Variants in MTCH2 observed in about 807,000 individuals in gnomAD.
MTCH2 encodes the protein mitochondrial carrier 2.
Under a neutral mutation model 50.6 loss-of-function variants are expected in MTCH2, and 25 were observed. The observed-to-expected ratio is 0.49, with a 90% CI of 0.36 to 0.69. The LOEUF (loss-of-function observed/expected upper bound fraction) is 0.69, where lower values mean the gene tolerates loss of function less well. Ranked by LOEUF, MTCH2 falls within the 30% of genes least tolerant of loss-of-function variation. The pLI is 0.00. For synonymous variants in MTCH2, 106 were observed against 132.0 expected (o/e 0.80, Z 1.35); for missense variants, 273 against 384.4 (o/e 0.71, Z 2.42).
chr11:47,616,207 G>A (rs1598827946), downstream of MTCH2, among the ~76,000 whole-genome samples: 1 of 152,230 alleles, frequency 6.6e-6, no homozygotes, highest in South Asian at 2.1e-4. Flanking sequence ...CTGGACTCAA[G>A]TGATCCACTG....
At chr11:47,636,681 G>A (rs866613959) in intron 3 of MTCH2, among the ~76,000 whole-genome samples, 6 of 151,798 alleles carry the variant, frequency 4.0e-5, no homozygotes, top group Middle Eastern at 6.8e-3. Context: ...GCAGTGAGCC[G>A]AGACCATGCC....
At chr11:47,625,037 G>A (rs765067034) in intron 11 of MTCH2, among the ~76,000 whole-genome samples, 6 of 152,044 alleles carry the variant, frequency 3.9e-5, no homozygotes, top group Non-Finnish European at 8.8e-5. Flanking sequence ...GCAATGGAGC[G>A]AGACTGCACC....
chr11:47,610,956 G>A, the MTCH2 span, among the ~76,000 whole-genome samples: 1 of 152,166 alleles, frequency 6.6e-6, no homozygotes. Context: ...GCTTGGTTCC[G>A]GCTTCTCATG....
chr11:47,635,211 TGA>T (rs1394562130), intron 4 of MTCH2, among the ~76,000 whole-genome samples: 11 of 152,118 alleles, frequency 7.2e-5, no homozygotes, highest in Non-Finnish European at 1.5e-4. Context: ...CCCATGTAGC[TGA>T]GATACAGAGG....
intron 5 of MTCH2, among the ~76,000 whole-genome samples, chr11:47,631,962 C>T (rs1423107326): frequency 1.3e-5 from 2 of 152,084 alleles, no homozygotes; most frequent in East Asian, 1.9e-4. Context: ...GCAAAGCAGG[C>T]TTCTGTTGTT....
At chr11:47,629,091 G>GT (rs2097300680) in intron 8 of MTCH2, 45 bp from the exon 9 acceptor site, 20 of 1,459,730 alleles carry the variant, frequency 1.4e-5, no homozygotes, top group Non-Finnish European at 1.8e-5. Context: ...AATGTGATCA[G>GT]TAACATGACA....
chr11:47,612,223 G>C, the MTCH2 span, among the ~76,000 whole-genome samples: 1 of 152,066 alleles, frequency 6.6e-6, no homozygotes. Context: ...AGACCAGCCT[G>C]GGCAACAATA....
chr11:47,640,332 AAACAAC>A (rs548280518), intron 1 of MTCH2, among the ~76,000 whole-genome samples: 292 of 152,310 alleles, frequency 1.9e-3, no homozygotes, highest in Middle Eastern at 0.014. Context: ...TCCATCTCAA[AAACAAC>A]AACAAATAAA....
At chr11:47,628,066 G>A (rs17788853) in intron 9 of MTCH2, among the ~76,000 whole-genome samples, 2,565 of 152,198 alleles carry the variant, frequency 0.017, 38 homozygotes, top group Non-Finnish European at 0.025. Flanking sequence ...TACCAGATGC[G>A]TTGAAGAAAA....
chr11:47,626,652 G>A (rs1326541254), intron 10 of MTCH2, among the ~76,000 whole-genome samples: 3 of 151,404 alleles, frequency 2.0e-5, no homozygotes, highest in East Asian at 2.0e-4. Flanking sequence ...TCACTCTGTC[G>A]CCCAGGCCGA....
chr11:47,622,800 C>T, intron 11 of MTCH2, 24 bp from the exon 12 acceptor site: 2 of 1,079,562 alleles, frequency 1.9e-6, no homozygotes, highest in Non-Finnish European at 2.3e-6. Context: ...AAACATGGAG[C>T]TATTCATGTT....
rs772310094 is a variant in MTCH2, at chr11:47,631,605, G to A, written c.427+49C>T. The A allele has an allele frequency of 1.6e-5, 25 of 1,584,312 alleles. No homozygotes were observed. In the Admixed American group the frequency reaches 3.7e-4, roughly 23 times the overall value. On this transcript the variant is annotated intron_variant, in intron 6 of 12. Coordinates refer to ENST00000302503, the MANE Select transcript of MTCH2 (RefSeq NM_014342.4). ...CCACGTCAACCTATCTAAGTGGTCA[G>A]GAGAGATCAGGTTATAAAAGAAAGG...
chr11:47,613,929 C>CA (rs1456083996), downstream of MTCH2, among the ~76,000 whole-genome samples: 5 of 151,888 alleles, frequency 3.3e-5, no homozygotes, highest in African/African-American at 4.8e-5. Context: ...ACTAAAAATA[C>CA]AAAAAAATGA....
chr11:47,616,351 C>G (rs962660670), downstream of MTCH2, among the ~76,000 whole-genome samples: 13 of 151,976 alleles, frequency 8.6e-5, no homozygotes, highest in Admixed American at 2.0e-4. Context: ...CTAGAGAACC[C>G]CTACTTTTCT....
At chr11:47,630,956 C>T in intron 7 of MTCH2, 80 bp downstream of exon 7, 4 of 1,138,948 alleles carry the variant, frequency 3.5e-6, no homozygotes, top group Non-Finnish European at 5.2e-6. Context: ...GTAAGGGTAT[C>T]ATAAAAATAC....
chr11:47,620,354 A>C (rs548623459), intron 12 of MTCH2, among the ~76,000 whole-genome samples: 1 of 152,262 alleles, frequency 6.6e-6, no homozygotes, highest in South Asian at 2.1e-4. Context: ...CTGTAGTCCA[A>C]GCTACCTGGG....
At chr11:47,627,219 CT>C in intron 9 of MTCH2, 92 bp from the exon 10 acceptor site, 1 of 1,026,788 alleles carries the variant, frequency 9.7e-7, no homozygotes, top group Non-Finnish European at 1.4e-6. Flanking sequence ...TTCTTTTTTT[CT>C]TTCAGACAGT....
intron 3 of MTCH2, 90 bp downstream of exon 3, chr11:47,638,609 T>C (rs1451689569): frequency 1.8e-5 from 16 of 867,286 alleles, no homozygotes; most frequent in Non-Finnish European, 2.3e-5. Context: ...GTTATAAATG[T>C]ATCTTTTAAA....
downstream of MTCH2, among the ~76,000 whole-genome samples, chr11:47,615,453 C>T (rs2097287840): frequency 6.6e-6 from 1 of 152,126 alleles, no homozygotes; most frequent in African/African-American, 2.4e-5. Flanking sequence ...CCAGTTGGGA[C>T]TCTCAGTGAC....
Sources: gnomAD v4.1 joint callset for allele counts (sites outside exome capture counted in the v4.1 genomes callset) on GRCh38, gnomAD v4.1.1 for gene constraint, MANE v1.5 for transcripts, NCBI Gene and HGNC (gene_info 2026-07-23, HGNC 2026-07-21) for gene names.